The following MYO1H variants were observed in gnomAD, a reference collection of about 807,000 sequenced individuals.
The protein encoded by MYO1H is unconventional myosin-Ih.
In MYO1H, 118 loss-of-function variants were observed where a neutral mutation model predicts 149.3. The ratio of observed to expected loss-of-function variants is 0.79; its 90% CI spans 0.68 to 0.92. MYO1H has a LOEUF of 0.92. Among genes scored for constraint, MYO1H ranks in the 40% least tolerant of loss-of-function variants. MYO1H has a pLI of 0.00. For synonymous variants in MYO1H, 447 were observed against 465.2 expected, an observed-to-expected ratio of 0.96 and a Z score of 0.50; for missense variants, 1,212 against 1,280.7, an observed-to-expected ratio of 0.95 and a Z score of 0.82.
chr12:109,418,696 C>CCCCCA (rs1566035615), intron 15 of MYO1H, among the ~76,000 whole-genome samples: 1 of 151,986 alleles, frequency 6.6e-6, no homozygotes, highest in Non-Finnish European at 1.5e-5. Flanking sequence ...CTACAGGCAC[C>CCCCCA]CCACGCCCGG....
chr12:109,311,815 A>G, the MYO1H span, among the ~76,000 whole-genome samples: 507 of 152,284 alleles, frequency 3.3e-3, 2 homozygotes, highest in African/African-American at 0.011. Context: ...GAGGCCCAAC[A>G]CAAACCCAGT....
the MYO1H span, among the ~76,000 whole-genome samples, chr12:109,336,763 C>T: frequency 6.6e-6 from 1 of 152,184 alleles, no homozygotes; most frequent in Non-Finnish European, 1.5e-5. Flanking sequence ...GCCTGGGTCA[C>T]ATGCCCAGTC....
chr12:109,318,471 CACATG>C, the MYO1H span, among the ~76,000 whole-genome samples: 1 of 152,136 alleles, frequency 6.6e-6, no homozygotes, highest in Non-Finnish European at 1.5e-5. Context: ...CAGGCTGGCA[CACATG>C]ACCTTGACCA....
rs1438212591 is a variant in MYO1H at position 109,406,772 on chromosome 12, A to G, written c.964-17A>G. 6.2e-7 allele frequency: 1 copy of G among 1,612,896 alleles called. No individual in the cohort carries two copies. Among genetic ancestry groups the G allele is most frequent in the Non-Finnish European group, 8.5e-7 (1 of 1,178,874 alleles). On this transcript the variant is annotated splice_polypyrimidine_tract_variant and intron_variant, in intron 8 of 31. Transcript: ENST00000310903. ...ACTGCGTCACTGAATAGCATTCTGG[A>G]TTTCTTTTACATGCAGCTCCTGGGG...
At chr12:109,327,835 C>A in the MYO1H span, among the ~76,000 whole-genome samples, 1 of 151,168 alleles carries the variant, frequency 6.6e-6, no homozygotes, top group Admixed American at 6.6e-5. Context: ...TTCAATTCAA[C>A]CTAAAAATAT....
At chr12:109,401,043 GA>G (rs1262450490) in intron 5 of MYO1H, 49 bp from the exon 6 acceptor site, 6 of 1,543,714 alleles carry the variant, frequency 3.9e-6, no homozygotes, top group Middle Eastern at 3.4e-4. Flanking sequence ...ATGCCAGGAA[GA>G]GAGTGGTTTG....
At chr12:109,347,626 C>T (rs142601747), upstream of MYO1H, among the ~76,000 whole-genome samples, 13 of 151,446 alleles carry the variant, frequency 8.6e-5, no homozygotes, top group Admixed American at 6.6e-5. Flanking sequence ...CATAGCTCAC[C>T]GAGGGTCCTG....
intron 26 of MYO1H, 93 bp from the exon 27 acceptor site, chr12:109,442,124 C>T (rs1189138932): frequency 1.9e-6 from 2 of 1,029,048 alleles, no homozygotes; most frequent in Non-Finnish European, 3.0e-6. Context: ...GATCTTAGCA[C>T]AGAGATGCAT....
chr12:109,397,882 G>A, intron 5 of MYO1H, 70 bp downstream of exon 5: 4 of 1,203,394 alleles, frequency 3.3e-6, no homozygotes, highest in South Asian at 3.2e-5. Flanking sequence ...CCAAGCCAAG[G>A]CCCCTTAAGG....
chr12:109,318,967 G>GTTTTTTTTGTTTTTTTTTTTTT, the MYO1H span, among the ~76,000 whole-genome samples: 1 of 79,588 alleles, frequency 1.3e-5, no homozygotes, highest in Admixed American at 1.7e-4. Flanking sequence ...TGCGTTTTTG[G>GTTTTTTTTGTTTTTTTTTTTTT]TTTTGTTTTT....
chr12:109,356,115 T>G (rs1329002644), intron 1 of MYO1H, among the ~76,000 whole-genome samples: 1 of 152,214 alleles, frequency 6.6e-6, no homozygotes, highest in Non-Finnish European at 1.5e-5. Flanking sequence ...ATGAATAATT[T>G]AAAAGCCATG....
At chr12:109,441,591 A>G (rs1436201919) in intron 25 of MYO1H, 24 bp from the exon 26 acceptor site, 1 of 1,550,482 alleles carries the variant, frequency 6.4e-7, no homozygotes, top group Admixed American at 1.8e-5. Flanking sequence ...TACCATTTTT[A>G]TACTTTCAAT....
chr12:109,328,757 G>A, the MYO1H span, among the ~76,000 whole-genome samples: 2 of 151,976 alleles, frequency 1.3e-5, no homozygotes, highest in Admixed American at 6.6e-5. Flanking sequence ...TGTATCACAA[G>A]TATTTTCTTT....
intron 19 of MYO1H, among the ~76,000 whole-genome samples, chr12:109,430,859 G>T (rs1871580720): frequency 6.6e-6 from 1 of 152,208 alleles, no homozygotes; most frequent in African/African-American, 2.4e-5. Context: ...CCAGGAGGCA[G>T]AGGTTGCAGT....
At chr12:109,327,132 TTC>T in the MYO1H span, among the ~76,000 whole-genome samples, 20 of 130,448 alleles carry the variant, frequency 1.5e-4, no homozygotes, top group Middle Eastern at 3.7e-3. Flanking sequence ...CTTTTTCTTT[TTC>T]TTTTTTTTTT....
chr12:109,326,493 ATTT>A, the MYO1H span, among the ~76,000 whole-genome samples: 2 of 89,220 alleles, frequency 2.2e-5, no homozygotes, highest in African/African-American at 1.1e-4. Flanking sequence ...TTTATATTTT[ATTT>A]TATTTTATTT....
At chr12:109,323,201 A>G in the MYO1H span, among the ~76,000 whole-genome samples, 1 of 152,326 alleles carries the variant, frequency 6.6e-6, no homozygotes, top group South Asian at 2.1e-4. Flanking sequence ...AAGCAATTTG[A>G]GTACAGAATA....
chr12:109,439,772 T>G (rs1673994460), exon 24 of MYO1H: 2 of 1,613,716 alleles, frequency 1.2e-6, no homozygotes, highest in South Asian at 2.2e-5. Context: ...GGCTGAGGCC[T>G]CCTGGCATCT....
At chr12:109,378,390 G>A (rs557001468) in intron 1 of MYO1H, among the ~76,000 whole-genome samples, 9 of 151,308 alleles carry the variant, frequency 5.9e-5, no homozygotes, top group South Asian at 4.2e-4. Context: ...GTGTGATCAC[G>A]GCTTACTGCA....
Sources: allele counts gnomAD v4.1 joint callset (sites outside exome capture counted in the v4.1 genomes callset), GRCh38; gene constraint gnomAD v4.1.1; transcripts MANE v1.5; gene names NCBI Gene and HGNC (gene_info 2026-07-23, HGNC 2026-07-21).